The following SLCO4C1 variants were observed in gnomAD, a reference collection of about 807,000 sequenced individuals.
SLCO4C1 encodes solute carrier organic anion transporter family member 4C1.
SLCO4C1 carries 58 observed loss-of-function variants against 72.1 expected under a neutral mutation model. That is an observed-to-expected ratio of 0.80 (90% CI 0.65 to 1.00). SLCO4C1 has a LOEUF of 1.00. Among genes scored for constraint, SLCO4C1 ranks in the 50% least tolerant of loss-of-function variants. SLCO4C1 has a pLI of 0.00. For missense variants in SLCO4C1, 898 were observed against 857.9 expected, an observed-to-expected ratio of 1.05 and a Z score of -0.58; for synonymous variants, 297 against 312.5, an observed-to-expected ratio of 0.95 and a Z score of 0.52.
At chr5:102,256,462 C>A (rs1748836256) in intron 8 of SLCO4C1, among the ~76,000 whole-genome samples, 1 of 152,144 alleles carries the variant, frequency 6.6e-6, no homozygotes, top group Non-Finnish European at 1.5e-5. Flanking sequence ...ACAATTAAAG[C>A]AGCACTGTGA....
intron 2 of SLCO4C1, among the ~76,000 whole-genome samples, chr5:102,289,387 G>A (rs972500466): frequency 6.6e-6 from 1 of 152,162 alleles, no homozygotes; most frequent in Non-Finnish European, 1.5e-5. Context: ...GACAGATCAG[G>A]CTTTGTACTG....
chr5:102,295,993 C>G lies in SLCO4C1; in HGVS notation c.270G>C (p.Trp90Cys). Residue 90 changes from tryptophan (W) to cysteine (C), a missense_variant, in exon 1 of 13, where the codon TGG becomes TGC. Trp to Cys is a radical substitution (Grantham distance 215). Transcript: ENST00000310954. ...LSEFEEGSYG[W>C]RNFHPQCLQR... is the part of the protein sequence containing the mutation. ...GGAGACATTGAGGATGGAAGTTCCT[C>G]CAGCCGTAAGACCCCTCCTCAAACT... The G allele has an allele frequency of 6.2e-7, 1 of 1,614,274 alleles. No individual in the cohort carries two copies. Among genetic ancestry groups the G allele is most frequent in the Non-Finnish European group, 8.5e-7 (1 of 1,180,054 alleles).
chr5:102,261,956 C>G lies in SLCO4C1; in HGVS notation c.977G>C (p.Trp326Ser), dbSNP rs1312222853. 2.5e-6 allele frequency: 4 copies of G among 1,612,436 alleles called. No individual in the cohort carries two copies. Among genetic ancestry groups the G allele is most frequent in the Non-Finnish European group, 3.4e-6 (4 of 1,179,066 alleles). The change falls in exon 5 of 13, where the codon TGG becomes TCG. Residue 326 changes from tryptophan to serine, a missense_variant. Transcript: ENST00000310954. Reference protein sequence around the residue: ...IGFLLSWIFAWSLIIPFSCFP... With the variant: ...IGFLLSWIFASSLIIPFSCFP... ...GCAAGAAAAAGGTATTATTAAAGAC[C>G]AAGCAAAGATCCATGATAGAAGAAA...
At chr5:102,283,135 C>G (rs1749387472) in intron 2 of SLCO4C1, among the ~76,000 whole-genome samples, 1 of 151,408 alleles carries the variant, frequency 6.6e-6, no homozygotes, top group Admixed American at 6.6e-5. Context: ...TTCTAATGTA[C>G]TAGTTCAAAA....
intron 1 of SLCO4C1, among the ~76,000 whole-genome samples, chr5:102,293,523 T>TAA (rs1749593476): frequency 6.6e-6 from 1 of 152,142 alleles, no homozygotes; most frequent in African/African-American, 2.4e-5. Context: ...ATTAGAAAAT[T>TAA]AAGTACTTAG....
At chr5:102,245,549 A>G (rs1453933500) in intron 10 of SLCO4C1, among the ~76,000 whole-genome samples, 1 of 152,202 alleles carries the variant, frequency 6.6e-6, no homozygotes, top group Non-Finnish European at 1.5e-5. Flanking sequence ...CAAAGCAAAT[A>G]TTAGTAGAGC....
chr5:102,260,392 A>G, intron 5 of SLCO4C1, 73 bp from the exon 6 acceptor site: 1 of 284,522 alleles, frequency 3.5e-6, no homozygotes, highest in Non-Finnish European at 6.0e-6. Context: ...TAATATATAT[A>G]ATATATAATA....
intron 8 of SLCO4C1, among the ~76,000 whole-genome samples, chr5:102,256,063 G>A (rs137858423): frequency 1.9e-3 from 294 of 152,168 alleles, no homozygotes; most frequent in African/African-American, 6.8e-3. Flanking sequence ...AAAATTAGCT[G>A]GTCATGGTGG....
At chr5:102,276,052 G>A (rs1490403721) in intron 2 of SLCO4C1, among the ~76,000 whole-genome samples, 1 of 152,102 alleles carries the variant, frequency 6.6e-6, no homozygotes, top group Non-Finnish European at 1.5e-5. Flanking sequence ...GCACACTTGG[G>A]ACCTCTTTCT....
In SLCO4C1 at chr5:102,236,535, A is replaced by T. The variant is rs909912749; in HGVS notation, c.*323T>A. ...CCTTTTTTCTTGTTATTGCTTGAGG[A>T]TTTCATACCTAGACAATGGGAATAG... On this transcript the variant is annotated 3_prime_UTR_variant, in exon 13 of 13. Transcript: ENST00000310954. The T allele has an allele frequency of 1.1e-4, 19 of 168,450 alleles. No homozygotes were observed. The highest frequency in any genetic ancestry group is 2.5e-5 in the Non-Finnish European group (2 of 79,558). 10.4% of individuals were successfully genotyped at this position (168,450 alleles called of 1,614,324 possible).
Position 102,260,325 on chromosome 5 carries a change from A to C in SLCO4C1, c.1022-6T>G. On this transcript the variant is annotated splice_region_variant and splice_polypyrimidine_tract_variant and intron_variant, in intron 5 of 12. Transcript: ENST00000310954. The stretch of plus-strand genomic sequence containing the variant: ...AGCTTGAATTTCTGCTGTACCTAAA[A>C]AAAAAATATATATATATATATAATA... The C allele has an allele frequency of 2.8e-6, 1 of 358,196 alleles. No individual in the cohort carries two copies. The highest frequency in any genetic ancestry group is 4.0e-6 in the Non-Finnish European group (1 of 249,658). 22.2% of individuals were successfully genotyped at this position (358,196 alleles called of 1,614,324 possible).
chr5:102,285,099 G>A (rs989397420), intron 2 of SLCO4C1, among the ~76,000 whole-genome samples: 1 of 151,838 alleles, frequency 6.6e-6, no homozygotes, highest in African/African-American at 2.4e-5. Context: ...GATAACCTGG[G>A]TAATTTTTTA....
At chr5:102,242,815 A>G (rs1172636291) in intron 10 of SLCO4C1, among the ~76,000 whole-genome samples, 1 of 152,154 alleles carries the variant, frequency 6.6e-6, no homozygotes, top group Admixed American at 6.5e-5. Context: ...TCTGCTTCAG[A>G]AAAGCAGAGG....
chr5:102,290,746 CTA>C (rs1430396063), intron 2 of SLCO4C1, among the ~76,000 whole-genome samples: 2 of 152,114 alleles, frequency 1.3e-5, no homozygotes, highest in Admixed American at 6.5e-5. Flanking sequence ...TCTGGCTCTA[CTA>C]TATTTGTTTT....
At chr5:102,293,458 A>T (rs1342968135) in intron 1 of SLCO4C1, among the ~76,000 whole-genome samples, 1 of 152,212 alleles carries the variant, frequency 6.6e-6, no homozygotes, top group Admixed American at 6.5e-5. Context: ...CAAAAAAATC[A>T]GGAAACGCTC....
At position 102,295,921 on chromosome 5, in the gene SLCO4C1, C is replaced by A; in HGVS notation, c.342G>T (p.Leu114Phe). 1 of 1,613,332 alleles carries A rather than the reference C, an allele frequency of 6.2e-7. No individual in the cohort carries two copies. The highest frequency in any genetic ancestry group is 1.1e-5 in the South Asian group (1 of 91,036). Residue 114 changes from leucine to phenylalanine, a missense_variant, in exon 1 of 13, where the codon TTG becomes TTT. Physicochemically the swap from Leu to Phe is conservative, Grantham distance 22. Transcript: ENST00000310954. ...PGGFLLHYCL[L>F]AVTQGIVVNG... ...GCTGGACTTTACCTTGCGTGACGGC[C>A]AAGAGGCAGTAGTGAAGCAGAAAGC...
chr5:102,293,871 A>G (rs912531724), intron 1 of SLCO4C1, among the ~76,000 whole-genome samples: 1 of 152,080 alleles, frequency 6.6e-6, no homozygotes, highest in African/African-American at 2.4e-5. Flanking sequence ...AATAGCTGGG[A>G]CTACAGGCGT....
chr5:102,255,699 C>A (rs953074058), intron 8 of SLCO4C1, among the ~76,000 whole-genome samples: 2 of 152,046 alleles, frequency 1.3e-5, no homozygotes, highest in East Asian at 3.9e-4. Flanking sequence ...ATTTTTAAAC[C>A]CCATTTCACT....
chr5:102,246,633 G>A (rs1324274973), intron 10 of SLCO4C1, among the ~76,000 whole-genome samples: 3 of 151,620 alleles, frequency 2.0e-5, no homozygotes, highest in African/African-American at 7.3e-5. Context: ...TAAATAAACA[G>A]TAAAAAAAGA....
Sources: allele counts gnomAD v4.1 joint callset (sites outside exome capture counted in the v4.1 genomes callset), GRCh38; gene constraint gnomAD v4.1.1; transcripts MANE v1.5; gene names NCBI Gene and HGNC (gene_info 2026-07-23, HGNC 2026-07-21).